ARHGEF3: variants seen among roughly 807,000 people sequenced by gnomAD.
The protein encoded by ARHGEF3 is Rho guanine nucleotide exchange factor 3.
Under a neutral mutation model 63.2 loss-of-function variants are expected in ARHGEF3, and 28 were observed. That is an observed-to-expected ratio of 0.44 (90% CI 0.33 to 0.61). ARHGEF3 has a LOEUF of 0.61. ARHGEF3 is among the 20% of genes least tolerant of loss of function. The probability of loss-of-function intolerance (pLI) is 0.03; values close to 1 mark genes in which losing one functional copy is unlikely to be tolerated. For synonymous variants in ARHGEF3, 266 were observed against 254.2 expected (o/e 1.05, Z -0.44); for missense variants, 533 against 659.3 (o/e 0.81, Z 2.10).
At chr3:56,945,274 G>A (rs1007273331) in intron 3 of ARHGEF3, among the ~76,000 whole-genome samples, 5 of 152,124 alleles carry the variant, frequency 3.3e-5, no homozygotes, top group Non-Finnish European at 7.4e-5. Flanking sequence ...GTGGGTGCAG[G>A]ACAGTGGATG....
intron 3 of ARHGEF3, among the ~76,000 whole-genome samples, chr3:56,942,391 T>A (rs1699232339): frequency 6.6e-6 from 1 of 152,226 alleles, no homozygotes; most frequent in Non-Finnish European, 1.5e-5. Flanking sequence ...GTCTGACCAG[T>A]CATCTTTGAT....
intron 2 of ARHGEF3, among the ~76,000 whole-genome samples, chr3:57,004,124 A>G (rs1702373246): frequency 6.6e-6 from 1 of 152,206 alleles, no homozygotes; most frequent in Non-Finnish European, 1.5e-5. Flanking sequence ...TATGGGCCCC[A>G]GCCGTGCCCA....
At chr3:56,968,200 ATATAAAAATATATATT>A (rs1700712375) in intron 2 of ARHGEF3, among the ~76,000 whole-genome samples, 1 of 26,282 alleles carries the variant, frequency 3.8e-5, no homozygotes, top group Non-Finnish European at 8.0e-5. Flanking sequence ...TATATATAAT[ATATAAAAATATATATT>A]ATATATAATA....
chr3:56,783,734 T>A (rs941943419), intron 1 of ARHGEF3, among the ~76,000 whole-genome samples: 1 of 152,180 alleles, frequency 6.6e-6, no homozygotes, highest in African/African-American at 2.4e-5. Flanking sequence ...GACGCTGTAT[T>A]TCTGGCTAAG....
intron 4 of ARHGEF3, among the ~76,000 whole-genome samples, chr3:56,842,772 G>A (rs1382003859): frequency 6.6e-6 from 1 of 152,162 alleles, no homozygotes; most frequent in African/African-American, 2.4e-5. Context: ...GCTGATCCCT[G>A]AGCAGGCGCC....
chr3:56,976,938 C>T (rs185321793), intron 2 of ARHGEF3, among the ~76,000 whole-genome samples: 10 of 152,100 alleles, frequency 6.6e-5, no homozygotes, highest in Admixed American at 4.6e-4. Flanking sequence ...AAGGGAGTGG[C>T]GGGTATGAGG....
intron 3 of ARHGEF3, among the ~76,000 whole-genome samples, chr3:56,935,867 A>G (rs1183469848): frequency 6.6e-6 from 1 of 152,244 alleles, no homozygotes; most frequent in Non-Finnish European, 1.5e-5. Context: ...AATACTTGAT[A>G]TGATTATTTA....
intron 2 of ARHGEF3, among the ~76,000 whole-genome samples, chr3:57,016,762 C>T (rs142970268): frequency 6.6e-6 from 1 of 152,238 alleles, no homozygotes; most frequent in East Asian, 1.9e-4. Flanking sequence ...CTCTCTTGCT[C>T]TTGGTCCCCC....
At chr3:57,047,148 G>A (rs998790051) in intron 1 of ARHGEF3, among the ~76,000 whole-genome samples, 3 of 152,154 alleles carry the variant, frequency 2.0e-5, no homozygotes, top group Non-Finnish European at 4.4e-5. Flanking sequence ...AGGAGTTCAA[G>A]CCCAATCTGG....
chr3:57,013,806 C>T (rs868416896), intron 2 of ARHGEF3, among the ~76,000 whole-genome samples: 1 of 152,180 alleles, frequency 6.6e-6, no homozygotes, highest in Non-Finnish European at 1.5e-5. Context: ...CCTGTCAAAA[C>T]GGACCAATCA....
chr3:56,846,204 G>A (rs1269053461), intron 4 of ARHGEF3, among the ~76,000 whole-genome samples: 4 of 152,152 alleles, frequency 2.6e-5, no homozygotes, highest in Non-Finnish European at 5.9e-5. Context: ...CCAACCTAAG[G>A]GAGCTTTATA....
chr3:56,968,765 TC>T (rs771299329), intron 2 of ARHGEF3, among the ~76,000 whole-genome samples: 15 of 152,196 alleles, frequency 9.9e-5, no homozygotes, highest in East Asian at 1.9e-4. Flanking sequence ...TTATTTTTTT[TC>T]ATACCAAGCC....
chr3:56,851,917 T>C (rs1374453843), intron 4 of ARHGEF3, among the ~76,000 whole-genome samples: 1 of 152,200 alleles, frequency 6.6e-6, no homozygotes, highest in East Asian at 1.9e-4. Context: ...TCTTACGAAC[T>C]TTACTTTTAA....
chr3:56,945,849 C>T (rs1245665886), intron 3 of ARHGEF3, among the ~76,000 whole-genome samples: 1 of 152,172 alleles, frequency 6.6e-6, no homozygotes, highest in East Asian at 1.9e-4. Flanking sequence ...GTCCCTGACC[C>T]CCGAGTAACC....
chr3:56,859,884 C>T (rs530698043), intron 4 of ARHGEF3, among the ~76,000 whole-genome samples: 74 of 152,022 alleles, frequency 4.9e-4, no homozygotes, highest in African/African-American at 1.8e-3. Context: ...TTGAGCTGGG[C>T]ATGATGGTTC....
chr3:56,831,130 T>A (rs957307642), intron 4 of ARHGEF3, among the ~76,000 whole-genome samples: 1 of 152,224 alleles, frequency 6.6e-6, no homozygotes, highest in African/African-American at 2.4e-5. Flanking sequence ...AATAAATATT[T>A]ACTGATGAAG....
chr3:56,818,611 C>T (rs1194925767), intron 4 of ARHGEF3, among the ~76,000 whole-genome samples: 2 of 152,164 alleles, frequency 1.3e-5, no homozygotes, highest in Non-Finnish European at 2.9e-5. Flanking sequence ...CTTTTGTTCT[C>T]AGCCACCCAC....
chr3:57,026,507 C>T (rs1057253064), intron 2 of ARHGEF3, among the ~76,000 whole-genome samples: 23 of 152,188 alleles, frequency 1.5e-4, no homozygotes, highest in African/African-American at 5.1e-4. Context: ...CCAGAGAAAG[C>T]GTCACACTCT....
chr3:56,872,512 C>CTTT (rs71621849), intron 4 of ARHGEF3, among the ~76,000 whole-genome samples: 9 of 137,366 alleles, frequency 6.6e-5, no homozygotes, highest in African/African-American at 1.4e-4. Flanking sequence ...TTTTCATATA[C>CTTT]TTTTTTTTTT....
Sources: gnomAD v4.1 joint callset for allele counts (sites outside exome capture counted in the v4.1 genomes callset) on GRCh38, gnomAD v4.1.1 for gene constraint, MANE v1.5 for transcripts, NCBI Gene and HGNC (gene_info 2026-07-23, HGNC 2026-07-21) for gene names.